The following MACC1 variants were observed in gnomAD, a reference collection of about 807,000 sequenced individuals.
MACC1 encodes the protein metastasis-associated in colon cancer protein 1.
MACC1 carries 79 observed loss-of-function variants against 70.7 expected under a neutral mutation model. That is an observed-to-expected ratio of 1.12 (90% CI 0.93 to 1.35). MACC1 has a LOEUF of 1.35. MACC1 is among the 40% of genes most tolerant of loss of function. The pLI is 0.00. For missense variants in MACC1, 1,106 were observed against 978.1 expected (o/e 1.13, Z -1.74); for synonymous variants, 361 against 347.2 (o/e 1.04, Z -0.44).
At chr7:20,142,380 G>T (rs1268833599) in intron 6 of MACC1, among the ~76,000 whole-genome samples, 1 of 152,154 alleles carries the variant, frequency 6.6e-6, no homozygotes, top group African/African-American at 2.4e-5. Flanking sequence ...GGGAAGCCAT[G>T]AACAGCCATT....
chr7:20,146,956 T>A (rs1395618892), intron 6 of MACC1, among the ~76,000 whole-genome samples: 1 of 152,216 alleles, frequency 6.6e-6, no homozygotes, highest in African/African-American at 2.4e-5. Flanking sequence ...ACAAAGTTGT[T>A]AATTTTCATC....
At chr7:20,207,650 A>G (rs1472960696) in intron 1 of MACC1, among the ~76,000 whole-genome samples, 1 of 152,242 alleles carries the variant, frequency 6.6e-6, no homozygotes, top group Non-Finnish European at 1.5e-5. Flanking sequence ...GGGAAAAAAT[A>G]GGTATTTTCA....
intron 1 of MACC1, among the ~76,000 whole-genome samples, chr7:20,211,152 T>C (rs879188702): frequency 1.3e-5 from 2 of 152,160 alleles, no homozygotes; most frequent in Admixed American, 1.3e-4. Context: ...TCAGCTGTCC[T>C]AGATGGAATA....
Position 20,158,679 on chromosome 7 carries a change from A to G in MACC1, c.1682T>C (p.Leu561Pro). 6.2e-7 allele frequency: 1 copy of G among 1,613,962 alleles called. No homozygotes were observed. Among genetic ancestry groups the G allele is most frequent in the Non-Finnish European group, 8.5e-7 (1 of 1,179,976 alleles). Residue 561 changes from leucine to proline, a missense_variant, in exon 5 of 7, where the codon CTA becomes CCA. Transcript: ENST00000400331. ...SNYGVTLKAV[L>P]RQSKIDYFLE... is the part of the protein sequence containing the mutation. ...GAAGTAATCAATCTTGCTTTGTCTT[A>G]GCACTGCCTTCAGGGTTACCCCATA...
chr7:20,148,956 AT>A lies in MACC1; in HGVS notation c.2346+5236del, dbSNP rs540261800. On this transcript the variant is annotated intron_variant, in intron 6 of 6. Transcript: ENST00000400331. ...TTTCAAAAGAACAGCAAACAAAAGA[AT>A]TAAGTACCAAGGCTAGAACTGAACC... Among the ~76,000 whole-genome samples, 42 of 152,348 alleles carry A rather than the reference AT, an allele frequency of 2.8e-4. 1 individual carries two copies. The highest frequency in any genetic ancestry group is 5.0e-4 in the Non-Finnish European group (34 of 68,026).
chr7:20,168,497 T>C (rs1782254561), intron 2 of MACC1, among the ~76,000 whole-genome samples: 1 of 152,134 alleles, frequency 6.6e-6, no homozygotes, highest in Admixed American at 6.6e-5. Flanking sequence ...AGAAGCCACT[T>C]AACAGCAGCA....
intron 1 of MACC1, among the ~76,000 whole-genome samples, chr7:20,183,602 A>G (rs1403878340): frequency 6.6e-6 from 1 of 152,234 alleles, no homozygotes; most frequent in Non-Finnish European, 1.5e-5. Flanking sequence ...AACATTCATC[A>G]GAAGGAGAAA....
chr7:20,208,788 C>A (rs1390770490), intron 1 of MACC1, among the ~76,000 whole-genome samples: 3 of 152,194 alleles, frequency 2.0e-5, no homozygotes, highest in African/African-American at 7.2e-5. Flanking sequence ...TTCAAGGCAG[C>A]CCCTCGAATC....
chr7:20,208,023 T>A (rs1337968098), intron 1 of MACC1, among the ~76,000 whole-genome samples: 1 of 152,190 alleles, frequency 6.6e-6, no homozygotes, highest in Non-Finnish European at 1.5e-5. Flanking sequence ...CTTTTATAAG[T>A]GTCTGGCATT....
intron 1 of MACC1, among the ~76,000 whole-genome samples, chr7:20,193,754 G>C (rs1417888024): frequency 1.3e-5 from 2 of 151,104 alleles, no homozygotes; most frequent in Non-Finnish European, 2.9e-5. Flanking sequence ...TCAGACTCTT[G>C]GGGAAGTTTG....
In MACC1 at chr7:20,158,566, C is replaced by T. The variant is rs1782089584; in HGVS notation, c.1795G>A (p.Val599Ile). Residue 599 changes from valine to isoleucine, a missense_variant, in exon 5 of 7, where the codon GTA (valine) becomes ATA (isoleucine). Coordinates refer to ENST00000400331, the MANE Select transcript of MACC1 (RefSeq NM_182762.4). Reference protein sequence around the residue: ...IGQSKVKEWYVGVLRGKIGLV... With the variant: ...IGQSKVKEWYIGVLRGKIGLV... ...CCAATCTTACCTCTGAGGACTCCTA[C>T]ATACCATTCTTTCACTTTGGACTGA... 6 of 1,613,894 alleles carry T rather than the reference C, an allele frequency of 3.7e-6. No homozygotes were observed. The South Asian group carries it at 6.6e-5, about 18-fold the overall frequency.
At chr7:20,157,449 A>C (rs1447701497) in intron 5 of MACC1, among the ~76,000 whole-genome samples, 1 of 152,004 alleles carries the variant, frequency 6.6e-6, no homozygotes, top group Non-Finnish European at 1.5e-5. Context: ...CATTGTATAC[A>C]TAAGAATATT....
At chr7:20,213,206 A>G (rs922379527) in intron 1 of MACC1, among the ~76,000 whole-genome samples, 10 of 152,230 alleles carry the variant, frequency 6.6e-5, no homozygotes, top group African/African-American at 2.4e-4. Context: ...AAAGAAATAC[A>G]AATCAAAACC....
intron 1 of MACC1, among the ~76,000 whole-genome samples, 186 bp downstream of exon 1, chr7:20,217,112 TC>T (rs2128110245): frequency 6.6e-6 from 1 of 152,300 alleles, no homozygotes; most frequent in Non-Finnish European, 1.5e-5. Context: ...CTATTCTATG[TC>T]ATGAGGTTTA....
Position 20,158,586 on chromosome 7 carries a change from G to T in MACC1, c.1775C>A (p.Ser592Tyr). 1 of 1,613,844 alleles carries T rather than the reference G, an allele frequency of 6.2e-7. No homozygotes were observed. The highest frequency in any genetic ancestry group is 8.5e-7 in the Non-Finnish European group (1 of 1,179,946). The change falls in exon 5 of 7, where the codon TCC (serine) becomes TAC (tyrosine). Residue 592 changes from serine (S) to tyrosine (Y), a missense_variant. By Grantham distance (144) the Ser-to-Tyr change is moderately radical. Transcript: ENST00000400331. ...GEGKVKAIGQ[S>Y]KVKEWYVGVL... ...TCCTACATACCATTCTTTCACTTTG[G>T]ACTGACCAATAGCTTTTACCTTACC...
intron 1 of MACC1, among the ~76,000 whole-genome samples, chr7:20,175,328 G>C (rs144206881): frequency 1.3e-5 from 2 of 152,082 alleles, no homozygotes; most frequent in East Asian, 3.9e-4. Flanking sequence ...ATAAATGTGT[G>C]TGAATATGTA....
At chr7:20,189,651 T>C (rs1467631834) in intron 1 of MACC1, among the ~76,000 whole-genome samples, 1 of 151,828 alleles carries the variant, frequency 6.6e-6, no homozygotes, top group Non-Finnish European at 1.5e-5. Flanking sequence ...AGTAACATAC[T>C]TAAATTCCAC....
intron 1 of MACC1, among the ~76,000 whole-genome samples, chr7:20,195,513 C>T (rs531557771): frequency 1.3e-5 from 2 of 152,348 alleles, no homozygotes; most frequent in South Asian, 4.1e-4. Flanking sequence ...GGTCCTGACA[C>T]ATGCGTATTG....
chr7:20,197,316 G>A (rs149985484), intron 1 of MACC1, among the ~76,000 whole-genome samples: 1 of 152,150 alleles, frequency 6.6e-6, no homozygotes, highest in Non-Finnish European at 1.5e-5. Flanking sequence ...CTTCTTTTCA[G>A]ATTTCCTTTC....
Sources: gnomAD v4.1 joint callset for allele counts (sites outside exome capture counted in the v4.1 genomes callset) on GRCh38, gnomAD v4.1.1 for gene constraint, MANE v1.5 for transcripts, NCBI Gene and HGNC (gene_info 2026-07-23, HGNC 2026-07-21) for gene names.